The following FRMD4B variants were observed in gnomAD, a reference collection of about 807,000 sequenced individuals.
FRMD4B encodes FERM domain-containing protein 4B.
In FRMD4B, 74 loss-of-function variants were observed where a neutral mutation model predicts 141.5. The ratio of observed to expected loss-of-function variants is 0.52; its 90% CI spans 0.43 to 0.63. FRMD4B has a LOEUF of 0.63. Ranked by LOEUF, FRMD4B falls within the 30% of genes least tolerant of loss-of-function variation. The pLI is 0.00. For synonymous variants in FRMD4B, 506 were observed against 467.9 expected, an observed-to-expected ratio of 1.08 and a Z score of -1.05; for missense variants, 1,366 against 1,253.4, an observed-to-expected ratio of 1.09 and a Z score of -1.36.
At chr3:69,216,428 T>TA in intron 10 of FRMD4B, 79 bp from the exon 11 acceptor site, 25 of 524,882 alleles carry the variant, frequency 4.8e-5, no homozygotes, top group East Asian at 7.3e-5. Flanking sequence ...CAATTTCACC[T>TA]CTTTTTTTTT....
intron 4 of FRMD4B, among the ~76,000 whole-genome samples, chr3:69,291,434 A>C (rs1359105716): frequency 6.6e-6 from 1 of 152,214 alleles, no homozygotes; most frequent in Non-Finnish European, 1.5e-5. Context: ...GACATTTAAT[A>C]AGTAAAGCTG....
At chr3:69,337,552 A>T (rs945931230) in intron 1 of FRMD4B, among the ~76,000 whole-genome samples, 3 of 152,154 alleles carry the variant, frequency 2.0e-5, no homozygotes, top group Non-Finnish European at 4.4e-5. Context: ...TTTGCATCCT[A>T]CTCATCTGAC....
At chr3:69,334,664 T>C (rs1156894657) in intron 1 of FRMD4B, among the ~76,000 whole-genome samples, 3 of 152,088 alleles carry the variant, frequency 2.0e-5, no homozygotes, top group Non-Finnish European at 2.9e-5. Context: ...GACCCCTGGG[T>C]TTCAGTAGTT....
intron 11 of FRMD4B, among the ~76,000 whole-genome samples, chr3:69,202,126 C>T (rs2092973612): frequency 6.6e-6 from 1 of 152,030 alleles, no homozygotes; most frequent in Non-Finnish European, 1.5e-5. Flanking sequence ...TCACTTGAAC[C>T]AGGTAGGCGG....
At chr3:69,242,322 G>A (rs573289273) in intron 7 of FRMD4B, among the ~76,000 whole-genome samples, 10 of 151,996 alleles carry the variant, frequency 6.6e-5, no homozygotes, top group South Asian at 2.1e-4. Flanking sequence ...ATCATTGACG[G>A]TAAAGACTCT....
intron 4 of FRMD4B, among the ~76,000 whole-genome samples, chr3:69,290,839 C>G (rs1485341977): frequency 6.6e-6 from 1 of 152,162 alleles, no homozygotes; most frequent in Non-Finnish European, 1.5e-5. Flanking sequence ...GGGACAATGA[C>G]TTTGACTCTG....
chr3:69,385,595 G>A (rs1256525395), intron 1 of FRMD4B, among the ~76,000 whole-genome samples: 2 of 152,178 alleles, frequency 1.3e-5, no homozygotes, highest in African/African-American at 4.8e-5. Context: ...TGTAACAGAT[G>A]TCTGCAAACG....
intron 1 of FRMD4B, among the ~76,000 whole-genome samples, chr3:69,332,250 A>T (rs982970819): frequency 1.5e-4 from 23 of 152,308 alleles, no homozygotes; most frequent in African/African-American, 5.3e-4. Context: ...TGGCCACATA[A>T]AACCTAGTCT....
intron 1 of FRMD4B, among the ~76,000 whole-genome samples, chr3:69,475,669 G>A (rs200160679): frequency 2.0e-5 from 3 of 152,232 alleles, no homozygotes; most frequent in South Asian, 2.1e-4. Flanking sequence ...ATAAACATAC[G>A]TGTGCATGTG....
intron 5 of FRMD4B, among the ~76,000 whole-genome samples, chr3:69,277,563 G>A (rs554204671): frequency 1.5e-3 from 182 of 122,684 alleles, no homozygotes; most frequent in African/African-American, 5.5e-3. Flanking sequence ...TGTTGTTGTC[G>A]CCAGGCTGGA....
At chr3:69,389,519 C>T (rs1171874228), upstream of FRMD4B, among the ~76,000 whole-genome samples, 1 of 152,146 alleles carries the variant, frequency 6.6e-6, no homozygotes, top group African/African-American at 2.4e-5. Context: ...CTTGATCTTC[C>T]CCACTAGAGG....
chr3:69,378,755 C>A (rs1378896200), intron 1 of FRMD4B, among the ~76,000 whole-genome samples: 2 of 151,908 alleles, frequency 1.3e-5, no homozygotes, highest in Non-Finnish European at 2.9e-5. Context: ...CAAGTTCAGG[C>A]ATTATTCTCA....
chr3:69,339,335 T>C (rs1702659033), intron 1 of FRMD4B, among the ~76,000 whole-genome samples: 1 of 152,170 alleles, frequency 6.6e-6, no homozygotes, highest in African/African-American at 2.4e-5. Flanking sequence ...AGCATGGACT[T>C]TGGAATCAGG....
intron 5 of FRMD4B, among the ~76,000 whole-genome samples, chr3:69,271,388 G>GT (rs770018579): frequency 2.0e-5 from 3 of 152,134 alleles, no homozygotes; most frequent in Admixed American, 6.6e-5. Context: ...TTGGGCCTCA[G>GT]TTTTTTATCT....
intron 7 of FRMD4B, among the ~76,000 whole-genome samples, chr3:69,231,317 A>C (rs1248586805): frequency 2.6e-5 from 4 of 151,874 alleles, no homozygotes. Flanking sequence ...TTTTTCTCCG[A>C]GACTCTGTCA....
chr3:69,432,596 T>A (rs575979433), intron 2 of FRMD4B: 1 of 152,176 alleles, frequency 6.6e-6, no homozygotes, highest in South Asian at 2.1e-4. Flanking sequence ...CTATCTAACA[T>A]ATCAAAGAGT....
At chr3:69,251,813 G>A (rs976256089) in intron 5 of FRMD4B, among the ~76,000 whole-genome samples, 19 of 152,210 alleles carry the variant, frequency 1.2e-4, no homozygotes, top group Admixed American at 3.3e-4. Context: ...ATGATGAGGC[G>A]GTTCATCCAA....
At chr3:69,468,797 C>T (rs1172759790) in intron 1 of FRMD4B, among the ~76,000 whole-genome samples, 6 of 152,138 alleles carry the variant, frequency 3.9e-5, no homozygotes, top group African/African-American at 4.8e-5. Flanking sequence ...TCAAGCAAGT[C>T]GAGGGACTGC....
chr3:69,438,299 T>C (rs1046724011), intron 1 of FRMD4B, among the ~76,000 whole-genome samples: 1 of 151,894 alleles, frequency 6.6e-6, no homozygotes, highest in African/African-American at 2.4e-5. Context: ...AGAGACAGGT[T>C]CTCGCTTTGT....
Sources: gnomAD v4.1 joint callset for allele counts (sites outside exome capture counted in the v4.1 genomes callset) on GRCh38, gnomAD v4.1.1 for gene constraint, MANE v1.5 for transcripts, NCBI Gene and HGNC (gene_info 2026-07-23, HGNC 2026-07-21) for gene names.